Variants in PTPN13 observed in about 807,000 individuals in gnomAD.
PTPN13 encodes tyrosine-protein phosphatase non-receptor type 13.
PTPN13 carries 191 observed loss-of-function variants against 284.0 expected under a neutral mutation model. The ratio of observed to expected loss-of-function variants is 0.67; its 90% CI spans 0.60 to 0.76. The LOEUF (loss-of-function observed/expected upper bound fraction) is 0.76. PTPN13 is among the 30% of genes least tolerant of loss of function. The pLI is 0.00. For missense variants in PTPN13, 2,797 were observed against 2,939.9 expected, an observed-to-expected ratio of 0.95 and a Z score of 1.12; for synonymous variants, 986 against 1,022.3, an observed-to-expected ratio of 0.96 and a Z score of 0.68.
chr4:86,644,753 C>T (rs2148775456), intron 2 of PTPN13, among the ~76,000 whole-genome samples: 1 of 152,242 alleles, frequency 6.6e-6, no homozygotes, highest in South Asian at 2.1e-4. Context: ...GATAGCACCT[C>T]ATGATCAAAT....
intron 1 of PTPN13, among the ~76,000 whole-genome samples, chr4:86,615,981 A>G (rs907854615): frequency 6.6e-6 from 1 of 152,202 alleles, no homozygotes; most frequent in African/African-American, 2.4e-5. Flanking sequence ...TTCAATTTGA[A>G]TTCCCTACAT....
At position 86,701,506 on chromosome 4, in the gene PTPN13, T is replaced by C; in HGVS notation, c.900T>C (p.Ala300=). 1 of 1,614,010 alleles carries C rather than the reference T, an allele frequency of 6.2e-7. No individual in the cohort carries two copies. ...TGCTTTCTAAGAAGAAGATCTGGGC[T>C]TCATCCATGGACTTGCTTTGTACAG... is the stretch of plus-strand genomic sequence containing the variant. ...IDVLSKKKIW[A]SSMDLLCTAD... Residue 300 remains alanine, a synonymous_variant, in exon 7 of 48, where the codon GCT becomes GCC. Coordinates refer to ENST00000411767, the MANE Select transcript of PTPN13 (RefSeq NM_080683.3).
intron 2 of PTPN13, among the ~76,000 whole-genome samples, chr4:86,669,349 C>A (rs1727475839): frequency 7.3e-6 from 1 of 137,628 alleles, no homozygotes; most frequent in African/African-American, 2.7e-5. Flanking sequence ...TTTAAATGTT[C>A]AATAAAAGCA....
chr4:86,722,698 T>C (rs1733804349), intron 10 of PTPN13, among the ~76,000 whole-genome samples: 2 of 152,194 alleles, frequency 1.3e-5, no homozygotes, highest in African/African-American at 4.8e-5. Context: ...ATATTCATAA[T>C]CCTTAAAGTT....
At chr4:86,649,713 CT>C (rs1297080268) in intron 2 of PTPN13, among the ~76,000 whole-genome samples, 1 of 152,038 alleles carries the variant, frequency 6.6e-6, no homozygotes, top group African/African-American at 2.4e-5. Flanking sequence ...TATTCTGGGT[CT>C]TTTGTGACTC....
chr4:86,689,164 A>G lies in PTPN13; in HGVS notation c.520A>G (p.Lys174Glu). 1.2e-6 allele frequency: 2 copies of G among 1,613,522 alleles called. No homozygotes were observed. Among genetic ancestry groups the G allele is most frequent in the Non-Finnish European group, 1.7e-6 (2 of 1,179,524 alleles). ...PSFSYVKHLV[K>E]LVLGNLSGTD... ...ATTTTCCTACGTGAAACACTTGGTA[A>G]AACTGGTTCTGGGAAATCTTTCTGG... The change falls in exon 5 of 48, where the codon AAA becomes GAA. Residue 174 changes from lysine (K) to glutamate (E), a missense_variant. Lys to Glu is a moderately conservative substitution (Grantham distance 56, BLOSUM62 1). Coordinates refer to ENST00000411767, the MANE Select transcript of PTPN13 (RefSeq NM_080683.3).
intron 5 of PTPN13, among the ~76,000 whole-genome samples, chr4:86,690,634 G>A (rs1286039813): frequency 1.3e-5 from 2 of 151,968 alleles, no homozygotes; most frequent in Non-Finnish European, 2.9e-5. Context: ...AGACAGTCCA[G>A]GGACTTTTTT....
chr4:86,629,412 C>T (rs1031668503), intron 1 of PTPN13, among the ~76,000 whole-genome samples: 1 of 150,680 alleles, frequency 6.6e-6, no homozygotes, highest in Admixed American at 6.6e-5. Flanking sequence ...CATCTCACAC[C>T]AGTTAGAATG....
intron 1 of PTPN13, among the ~76,000 whole-genome samples, chr4:86,631,922 G>T (rs1722512214): frequency 6.6e-6 from 1 of 152,020 alleles, no homozygotes; most frequent in Non-Finnish European, 1.5e-5. Flanking sequence ...TCTGTCTCTT[G>T]TGCTCTCTAT....
chr4:86,735,006 G>C (rs7699564), intron 14 of PTPN13, 131 bp downstream of exon 14: 1 of 1,012,680 alleles, frequency 9.9e-7, no homozygotes, highest in Non-Finnish European at 1.4e-6. Flanking sequence ...TGGTTCCTCA[G>C]AATGACCAAG....
intron 7 of PTPN13, among the ~76,000 whole-genome samples, chr4:86,715,197 T>G (rs1355939975): frequency 6.6e-6 from 1 of 151,966 alleles, no homozygotes; most frequent in Non-Finnish European, 1.5e-5. Flanking sequence ...AATTTATATT[T>G]AAATTGTTGT....
At chr4:86,734,613 C>A in intron 13 of PTPN13, 124 bp from the exon 14 acceptor site, 1 of 1,289,912 alleles carries the variant, frequency 7.8e-7, no homozygotes, top group Non-Finnish European at 1.0e-6. Flanking sequence ...ATCCTTATGC[C>A]TTAAAAGCTT....
At chr4:86,648,323 TTCTG>T (rs1309269488) in intron 2 of PTPN13, among the ~76,000 whole-genome samples, 6 of 152,102 alleles carry the variant, frequency 3.9e-5, no homozygotes, top group African/African-American at 7.2e-5. Context: ...ATCTTATTTT[TTCTG>T]TCTAACTGTA....
chr4:86,738,251 T>C (rs1159946931), intron 15 of PTPN13, among the ~76,000 whole-genome samples: 1 of 152,200 alleles, frequency 6.6e-6, no homozygotes, highest in Non-Finnish European at 1.5e-5. Context: ...CTGGGACCTA[T>C]GGCAAGTGCA....
In PTPN13 at chr4:86,769,995, G is replaced by T. The variant is rs1279764406; in HGVS notation, c.4704+12G>T. 1.2e-6 allele frequency: 2 copies of T among 1,613,566 alleles called. No individual in the cohort carries two copies. Among genetic ancestry groups the T allele is most frequent in the Non-Finnish European group, 1.7e-6 (2 of 1,179,598 alleles). On this transcript the variant is annotated intron_variant, in intron 29 of 47. Transcript: ENST00000411767. ...GACTATCTCAGCAGGTGAGCCCCTAGCATGTGGAGTATAGCATTTTTAATG... is the reference window on the plus strand; with the variant it reads ...GACTATCTCAGCAGGTGAGCCCCTATCATGTGGAGTATAGCATTTTTAATG...
At chr4:86,720,303 A>C (rs1402641194) in intron 9 of PTPN13, among the ~76,000 whole-genome samples, 2 of 152,168 alleles carry the variant, frequency 1.3e-5, no homozygotes, top group South Asian at 4.1e-4. Flanking sequence ...AGGTTATGAG[A>C]GAATCCTAAT....
chr4:86,730,994 T>TTAAATGTGTCCTAATATTCATG (rs1734881519), intron 10 of PTPN13, among the ~76,000 whole-genome samples: 1 of 152,244 alleles, frequency 6.6e-6, no homozygotes, highest in Non-Finnish European at 1.5e-5. Flanking sequence ...TATTGGTTCA[T>TTAAATGTGTCCTAATATTCATG]TGAATATTAA....
chr4:86,722,879 A>G (rs955596424), intron 10 of PTPN13, among the ~76,000 whole-genome samples: 4 of 152,170 alleles, frequency 2.6e-5, no homozygotes, highest in Admixed American at 2.0e-4. Context: ...TTTAGTAATA[A>G]TTCACTTTCT....
intron 31 of PTPN13, among the ~76,000 whole-genome samples, chr4:86,771,815 T>TA (rs1740034295): frequency 6.6e-6 from 1 of 152,196 alleles, no homozygotes; most frequent in African/African-American, 2.4e-5. Context: ...TCATACTACT[T>TA]AAACAGAAAC....
Sources: allele counts gnomAD v4.1 joint callset (sites outside exome capture counted in the v4.1 genomes callset), GRCh38; gene constraint gnomAD v4.1.1; transcripts MANE v1.5; gene names NCBI Gene and HGNC (gene_info 2026-07-23, HGNC 2026-07-21).